SIPA1L2: variants seen among roughly 807,000 people sequenced by gnomAD.
SIPA1L2 encodes signal-induced proliferation-associated 1-like protein 2.
SIPA1L2 carries 56 observed loss-of-function variants against 163.9 expected under a neutral mutation model. The observed-to-expected ratio is 0.34, with a 90% CI of 0.28 to 0.43. The LOEUF (loss-of-function observed/expected upper bound fraction) is 0.43. Ranked by LOEUF, SIPA1L2 falls within the 20% of genes least tolerant of loss-of-function variation. SIPA1L2 has a pLI of 1.00. For missense variants in SIPA1L2, 1,974 were observed against 2,193.5 expected, an observed-to-expected ratio of 0.90 and a Z score of 2.00; for synonymous variants, 877 against 865.7, an observed-to-expected ratio of 1.01 and a Z score of -0.23.
At chr1:232,485,903 G>A (rs985667409) in intron 5 of SIPA1L2, among the ~76,000 whole-genome samples, 1 of 152,110 alleles carries the variant, frequency 6.6e-6, no homozygotes, top group Non-Finnish European at 1.5e-5. Flanking sequence ...TCTGCACCCA[G>A]TAGAATTGCT....
chr1:232,417,081 C>T (rs993043275), intron 18 of SIPA1L2, among the ~76,000 whole-genome samples: 1 of 152,126 alleles, frequency 6.6e-6, no homozygotes. Context: ...GCTGTTTGAG[C>T]CTGCAATTAT....
chr1:232,573,616 C>T (rs1659923977), intron 2 of SIPA1L2, among the ~76,000 whole-genome samples: 1 of 152,170 alleles, frequency 6.6e-6, no homozygotes, highest in African/African-American at 2.4e-5. Flanking sequence ...TATTTGTGCA[C>T]ACACATAAGT....
At chr1:232,536,776 A>G (rs1488677232) in intron 2 of SIPA1L2, among the ~76,000 whole-genome samples, 3 of 151,298 alleles carry the variant, frequency 2.0e-5, no homozygotes, top group Admixed American at 2.0e-4. Flanking sequence ...TCTTCTGCCT[A>G]AAAAAAAATA....
At chr1:232,551,031 G>A (rs756562647) in intron 2 of SIPA1L2, among the ~76,000 whole-genome samples, 3 of 152,202 alleles carry the variant, frequency 2.0e-5, no homozygotes, top group African/African-American at 4.8e-5. Flanking sequence ...AATCAAGCCC[G>A]AATGGGAATC....
chr1:232,630,060 C>A lies in SIPA1L2; in HGVS notation c.-510G>T, dbSNP rs1469056626. Among the ~76,000 whole-genome samples the A allele has an allele frequency of 2.0e-5, 3 of 150,142 alleles. No homozygotes were observed. The highest frequency in any genetic ancestry group is 4.5e-5 in the Non-Finnish European group (3 of 67,184). On this transcript the variant is annotated 5_prime_UTR_variant, in exon 1 of 23. Coordinates refer to ENST00000674635, the MANE Select transcript of SIPA1L2 (RefSeq NM_020808.5). ...AGCTCTCGGCCTGCGCTCGGGCGGC[C>A]GGCGGGGGCGCGGTGCTCCTCCTCC...
At chr1:232,557,050 A>G (rs558475853) in intron 2 of SIPA1L2, among the ~76,000 whole-genome samples, 1 of 152,170 alleles carries the variant, frequency 6.6e-6, no homozygotes, top group Non-Finnish European at 1.5e-5. Flanking sequence ...GCAAAAGAGG[A>G]TTAACAAAAA....
chr1:232,406,315 G>A (rs995119740), intron 19 of SIPA1L2, among the ~76,000 whole-genome samples: 4 of 152,208 alleles, frequency 2.6e-5, no homozygotes, highest in African/African-American at 7.2e-5. Flanking sequence ...CACTCCACAC[G>A]TGGAGCCCCT....
chr1:232,505,249 C>T (rs775466460), intron 3 of SIPA1L2, among the ~76,000 whole-genome samples: 3 of 152,184 alleles, frequency 2.0e-5, no homozygotes, highest in South Asian at 2.1e-4. Context: ...GGCTGTCCAG[C>T]TTTTATTTTA....
At chr1:232,568,711 A>T (rs1296441368) in intron 2 of SIPA1L2, among the ~76,000 whole-genome samples, 1 of 152,142 alleles carries the variant, frequency 6.6e-6, no homozygotes, top group Non-Finnish European at 1.5e-5. Context: ...GCCATATGCA[A>T]ATCTAACACA....
intron 1 of SIPA1L2, among the ~76,000 whole-genome samples, chr1:232,595,485 C>T (rs1019723454): frequency 1.3e-5 from 2 of 152,170 alleles, no homozygotes; most frequent in Admixed American, 6.5e-5. Context: ...CTGCACCGGG[C>T]GGCTTCTGAC....
intron 1 of SIPA1L2, among the ~76,000 whole-genome samples, chr1:232,604,569 G>T (rs961862355): frequency 1.3e-5 from 2 of 152,204 alleles, no homozygotes; most frequent in Admixed American, 6.5e-5. Flanking sequence ...CCAAGGTGGT[G>T]TATCTGTTTG....
intron 2 of SIPA1L2, among the ~76,000 whole-genome samples, chr1:232,563,955 T>TTTTGTGTG (rs1558270699): frequency 1.7e-5 from 2 of 116,770 alleles, no homozygotes; most frequent in African/African-American, 7.9e-5. Flanking sequence ...TTTTTTTTTT[T>TTTTGTGTG]CGTGTGTGTG....
intron 1 of SIPA1L2, among the ~76,000 whole-genome samples, chr1:232,607,570 AG>A (rs1558301439): frequency 6.6e-6 from 1 of 152,162 alleles, no homozygotes; most frequent in Admixed American, 6.5e-5. Flanking sequence ...TTAACCAAGA[AG>A]ACAAGGAACG....
intron 1 of SIPA1L2, among the ~76,000 whole-genome samples, chr1:232,575,168 C>G (rs571677218): frequency 2.1e-4 from 32 of 152,344 alleles, no homozygotes; most frequent in African/African-American, 7.5e-4. Flanking sequence ...GGAGTATACA[C>G]TTCAGACAAA....
intron 2 of SIPA1L2, among the ~76,000 whole-genome samples, chr1:232,553,648 C>T (rs974156428): frequency 6.6e-6 from 1 of 152,188 alleles, no homozygotes; most frequent in African/African-American, 2.4e-5. Context: ...AGCTGCTCGA[C>T]TGTCTCCTAT....
At chr1:232,525,852 C>T (rs1247277698) in intron 2 of SIPA1L2, among the ~76,000 whole-genome samples, 1 of 152,096 alleles carries the variant, frequency 6.6e-6, no homozygotes, top group African/African-American at 2.4e-5. Context: ...AGTCTAATCA[C>T]CACCTGACAC....
Position 232,415,490 on chromosome 1 carries a change from T to C in SIPA1L2, c.4762+4A>G. 1.2e-6 allele frequency: 2 copies of C among 1,607,132 alleles called. No individual in the cohort carries two copies. Among genetic ancestry groups the C allele is most frequent in the Non-Finnish European group, 1.7e-6 (2 of 1,177,174 alleles). On this transcript the variant is annotated splice_donor_region_variant and intron_variant, in intron 19 of 22. Transcript: ENST00000674635. ...GGTGAGGCCAGAGGCTGGTGAGTCT[T>C]TACCTTCAAATGCCCGTGCAGCATC... is the stretch of plus-strand genomic sequence containing the variant.
At chr1:232,525,162 T>A (rs942299515) in intron 2 of SIPA1L2, among the ~76,000 whole-genome samples, 2 of 151,914 alleles carry the variant, frequency 1.3e-5, no homozygotes, top group African/African-American at 2.4e-5. Flanking sequence ...GTTTTTTTTT[T>A]ATGGCAGGTA....
chr1:232,456,888 C>G (rs1663950415), intron 10 of SIPA1L2, among the ~76,000 whole-genome samples: 1 of 152,104 alleles, frequency 6.6e-6, no homozygotes, highest in Admixed American at 6.6e-5. Context: ...CCACTCATTC[C>G]CAATGTATAT....
Sources: allele counts gnomAD v4.1 joint callset (sites outside exome capture counted in the v4.1 genomes callset), GRCh38; gene constraint gnomAD v4.1.1; transcripts MANE v1.5; gene names NCBI Gene and HGNC (gene_info 2026-07-23, HGNC 2026-07-21).